The following CCDC38 variants were observed in gnomAD, a reference collection of about 807,000 sequenced individuals.
CCDC38 encodes coiled-coil domain-containing protein 38.
In CCDC38, 69 loss-of-function variants were observed where a neutral mutation model predicts 72.8. The observed-to-expected ratio is 0.95, with a 90% CI of 0.78 to 1.16. CCDC38 has a LOEUF of 1.16. Ranked by LOEUF, CCDC38 falls within the 50% of genes most tolerant of loss-of-function variation. The probability of loss-of-function intolerance (pLI) is 0.00; values close to 1 mark genes in which losing one functional copy is unlikely to be tolerated. For missense variants in CCDC38, 626 were observed against 638.9 expected, an observed-to-expected ratio of 0.98 and a Z score of 0.22; for synonymous variants, 201 against 213.2, an observed-to-expected ratio of 0.94 and a Z score of 0.50.
intron 8 of CCDC38, among the ~76,000 whole-genome samples, chr12:95,892,485 TG>T (rs1218438020): frequency 6.6e-6 from 1 of 151,616 alleles, no homozygotes; most frequent in African/African-American, 2.4e-5. Context: ...TGTCTCACTA[TG>T]TTGCCCAAGC....
intron 5 of CCDC38, among the ~76,000 whole-genome samples, chr12:95,901,532 G>A (rs192941169): frequency 6.6e-6 from 1 of 152,280 alleles, no homozygotes; most frequent in Non-Finnish European, 1.5e-5. Context: ...ACAGAGCAAA[G>A]GGTAAGGAAT....
intron 5 of CCDC38, among the ~76,000 whole-genome samples, chr12:95,903,002 C>T (rs2079965630): frequency 6.6e-6 from 1 of 152,070 alleles, no homozygotes; most frequent in Non-Finnish European, 1.5e-5. Flanking sequence ...GATTTGGCAT[C>T]TCAGCAATAT....
chr12:95,913,080 A>G (rs1453358295), intron 4 of CCDC38, among the ~76,000 whole-genome samples: 1 of 152,134 alleles, frequency 6.6e-6, no homozygotes, highest in Non-Finnish European at 1.5e-5. Context: ...TTAATAATAA[A>G]AGCAAAAAAA....
rs2136718094 is a variant in CCDC38 at position 95,917,111 on chromosome 12, A to G, written c.304+18T>C. On this transcript the variant is annotated intron_variant, in intron 4 of 15. Transcript: ENST00000344280. ...TAAATATTCAAAATGATGTTCTTAA[A>G]GAGTAATTTAGACTCACCTTCTATT... The G allele has an allele frequency of 6.4e-7, 1 of 1,557,294 alleles. No homozygotes were observed. The highest frequency in any genetic ancestry group is 8.6e-7 in the Non-Finnish European group (1 of 1,161,228).
At chr12:95,932,799 C>G (rs1157251619) in intron 2 of CCDC38, among the ~76,000 whole-genome samples, 2 of 152,060 alleles carry the variant, frequency 1.3e-5, no homozygotes, top group Non-Finnish European at 2.9e-5. Flanking sequence ...GTAAGGAAAA[C>G]CAAGAGACAA....
intron 10 of CCDC38, chr12:95,885,050 G>A (rs1308749453): frequency 6.6e-6 from 1 of 152,170 alleles, no homozygotes. Flanking sequence ...AGAAAAAGGA[G>A]CTAGAATAGC....
At chr12:95,936,095 T>A (rs970018822) in intron 2 of CCDC38, among the ~76,000 whole-genome samples, 21 of 151,476 alleles carry the variant, frequency 1.4e-4, no homozygotes, top group Admixed American at 9.2e-4. Context: ...AGTAATTAAT[T>A]AAATAAAATA....
intron 4 of CCDC38, among the ~76,000 whole-genome samples, chr12:95,907,483 C>G: frequency 2.2e-5 from 2 of 92,492 alleles, no homozygotes; most frequent in Non-Finnish European, 4.0e-5. Context: ...CCGGATGGGG[C>G]GGCTGGCCGG....
At chr12:95,903,505 A>G (rs1592779444) in intron 5 of CCDC38, 4 of 698,468 alleles carry the variant, frequency 5.7e-6, no homozygotes, top group Middle Eastern at 2.5e-4. Flanking sequence ...ACCATTAGAT[A>G]TGTAATGTTA....
At position 95,890,862 on chromosome 12, in the gene CCDC38, C is replaced by T; in HGVS notation, c.841G>A (p.Glu281Lys). The stretch of plus-strand genomic sequence containing the variant: ...CTGTCTCTTCCCTGAGAAGCATCTT[C>T]TGAAAGGACAGCTGTCCTCCCGGAC... ...EESGRTAVLS[E>K]DASQGRDSQG... is the part of the protein sequence containing the mutation. The change falls in exon 9 of 16, where the codon GAA (glutamate) becomes AAA (lysine). Residue 281 changes from glutamate (E) to lysine (K), a missense_variant. Glu to Lys is a moderately conservative substitution (Grantham distance 56). Transcript: ENST00000344280. 6.2e-7 allele frequency: 1 copy of T among 1,606,754 alleles called. No individual in the cohort carries two copies. Among genetic ancestry groups the T allele is most frequent in the Non-Finnish European group, 8.5e-7 (1 of 1,174,872 alleles).
intron 2 of CCDC38, among the ~76,000 whole-genome samples, 171 bp downstream of exon 2, chr12:95,936,302 A>AT (rs200052549): frequency 1.8e-4 from 27 of 149,852 alleles, no homozygotes; most frequent in African/African-American, 4.6e-4. Context: ...TGATTTGAAG[A>AT]TTTTTTTTTT....
chr12:95,940,758 C>T (rs981704895), intron 1 of CCDC38, among the ~76,000 whole-genome samples: 1 of 152,058 alleles, frequency 6.6e-6, no homozygotes, highest in African/African-American at 2.4e-5. Flanking sequence ...GGTCAGAGCA[C>T]AGCACAATGA....
At chr12:95,870,279 A>C (rs2079567206) in intron 14 of CCDC38, among the ~76,000 whole-genome samples, 1 of 152,188 alleles carries the variant, frequency 6.6e-6, no homozygotes, top group African/African-American at 2.4e-5. Flanking sequence ...TCAAATTGTG[A>C]GCAAGAAATG....
At chr12:95,898,528 A>G in intron 6 of CCDC38, 40 bp downstream of exon 6, 1 of 1,614,084 alleles carries the variant, frequency 6.2e-7, no homozygotes, top group Non-Finnish European at 8.5e-7. Context: ...CAAACAAACA[A>G]AAGAGGTGGG....
chr12:95,882,972 C>G (rs766267601), intron 10 of CCDC38, among the ~76,000 whole-genome samples: 1 of 152,182 alleles, frequency 6.6e-6, no homozygotes, highest in Non-Finnish European at 1.5e-5. Flanking sequence ...TATTGGATGG[C>G]AAGACCATGC....
chr12:95,921,364 G>C (rs2080206105), intron 2 of CCDC38, among the ~76,000 whole-genome samples: 1 of 152,138 alleles, frequency 6.6e-6, no homozygotes, highest in South Asian at 2.1e-4. Context: ...ACTTCTCTGA[G>C]ACTCGGTAGT....
chr12:95,867,267 A>G, intron 15 of CCDC38, 78 bp from the exon 16 acceptor site: 3 of 750,054 alleles, frequency 4.0e-6, no homozygotes, highest in Non-Finnish European at 4.7e-6. Context: ...AAATACCAAT[A>G]TTAACTTGAT....
intron 5 of CCDC38, among the ~76,000 whole-genome samples, chr12:95,899,595 A>C (rs2079929464): frequency 6.6e-6 from 1 of 152,206 alleles, no homozygotes. Context: ...CACCACACCC[A>C]GACCTATTTG....
In CCDC38 at chr12:95,919,237, CAA is replaced by C. The variant is rs550404417; in HGVS notation, c.38-263_38-262del. On this transcript the variant is annotated intron_variant, in intron 2 of 15. Coordinates refer to ENST00000344280, the MANE Select transcript of CCDC38 (RefSeq NM_182496.3). ...CTCATGGTTAGAACAAATTTATAGA[CAA>C]AAAAGGGAAGTGAAGTACAGAAATC... 3.3e-5 allele frequency among the ~76,000 whole-genome samples: 5 copies of C among 152,094 alleles called. No homozygotes were observed. The South Asian group carries it at 1.0e-3, about 32-fold the overall frequency.
Sources: gnomAD v4.1 joint callset for allele counts (sites outside exome capture counted in the v4.1 genomes callset) on GRCh38, gnomAD v4.1.1 for gene constraint, MANE v1.5 for transcripts, NCBI Gene and HGNC (gene_info 2026-07-23, HGNC 2026-07-21) for gene names.